SPECC1: variants seen among roughly 807,000 people sequenced by gnomAD.
The protein encoded by SPECC1 is sperm antigen with calponin homology and coiled-coil domains 1, also known as cytospin-B.
In SPECC1, 62 loss-of-function variants were observed where a neutral mutation model predicts 104.1. That is an observed-to-expected ratio of 0.60 (90% confidence interval 0.49 to 0.74). The LOEUF (loss-of-function observed/expected upper bound fraction) is 0.74, where lower values mean the gene tolerates loss of function less well. SPECC1 is among the 30% of genes least tolerant of loss of function. The probability of loss-of-function intolerance (pLI) is 0.00; values close to 1 mark genes in which losing one functional copy is unlikely to be tolerated. For missense variants in SPECC1, 1,306 were observed against 1,310.5 expected, an observed-to-expected ratio of 1.00 and a Z score of 0.05; for synonymous variants, 513 against 501.6, an observed-to-expected ratio of 1.02 and a Z score of -0.30.
chr17:20,030,003 G>C (rs2044745593), intron 1 of SPECC1, among the ~76,000 whole-genome samples: 1 of 152,106 alleles, frequency 6.6e-6, no homozygotes, highest in African/African-American at 2.4e-5. Context: ...CTGGAAGCTG[G>C]AAGAGACAAG....
chr17:20,108,770 C>G (rs1191883484), intron 2 of SPECC1, among the ~76,000 whole-genome samples: 1 of 152,150 alleles, frequency 6.6e-6, no homozygotes, highest in African/African-American at 2.4e-5. Flanking sequence ...TATGAACATT[C>G]TTTTGAGGGA....
In SPECC1 at chr17:20,246,026, A is replaced by C; in HGVS notation, c.2452A>C (p.Thr818Pro). 3.7e-6 allele frequency: 6 copies of C among 1,614,206 alleles called. No individual in the cohort carries two copies. Among genetic ancestry groups the C allele is most frequent in the Non-Finnish European group, 5.1e-6 (6 of 1,180,026 alleles). ...ATCTCCAACACCCCCAGAGTCGGCA[A>C]CCACCGTTAAGTCACTTATCAAGTC... ...RTSPTPPESA[T>P]TVKSLIKSFD... The change falls in exon 8 of 15, where the codon ACC becomes CCC. Residue 818 changes from threonine to proline, a missense_variant. By Grantham distance (38) the Thr-to-Pro change is conservative. Around this residue, in one of 2 missense-constraint regions of SPECC1, gnomAD observed 1,177 missense variants for 1,139.9 expected, o/e 1.03. Transcript: ENST00000395527.
intron 1 of SPECC1, among the ~76,000 whole-genome samples, chr17:20,030,085 C>A (rs9901862): frequency 2.0e-5 from 3 of 152,166 alleles, no homozygotes; most frequent in Middle Eastern, 3.4e-3. Flanking sequence ...TGTTTAGCCT[C>A]CAGAACTGGG....
chr17:20,217,360 A>G (rs1181157361), intron 4 of SPECC1, among the ~76,000 whole-genome samples: 1 of 151,742 alleles, frequency 6.6e-6, no homozygotes, highest in Non-Finnish European at 1.5e-5. Flanking sequence ...AGAAGGATGT[A>G]GTGATGTGTG....
intron 1 of SPECC1, among the ~76,000 whole-genome samples, chr17:20,064,592 C>T (rs1250225341): frequency 6.6e-6 from 1 of 152,136 alleles, no homozygotes; most frequent in African/African-American, 2.4e-5. Flanking sequence ...AGACGTCTTC[C>T]ATCCCTACGG....
chr17:20,053,679 A>G (rs183815651), intron 1 of SPECC1, among the ~76,000 whole-genome samples: 4 of 152,292 alleles, frequency 2.6e-5, no homozygotes, highest in Admixed American at 6.5e-5. Context: ...CCTGCCAACA[A>G]CCAGCACTGC....
intron 4 of SPECC1, among the ~76,000 whole-genome samples, chr17:20,218,320 A>C (rs1205201168): frequency 3.3e-5 from 5 of 151,966 alleles, no homozygotes; most frequent in African/African-American, 1.2e-4. Flanking sequence ...TATGAAACAG[A>C]GGCAGAGGGA....
intron 7 of SPECC1, among the ~76,000 whole-genome samples, chr17:20,232,899 C>T (rs2038686811): frequency 6.6e-6 from 1 of 152,164 alleles, no homozygotes; most frequent in Non-Finnish European, 1.5e-5. Flanking sequence ...CTTGACATAA[C>T]CTATTTTATT....
At chr17:20,049,091 G>A (rs936489809) in intron 1 of SPECC1, among the ~76,000 whole-genome samples, 39 of 152,068 alleles carry the variant, frequency 2.6e-4, no homozygotes, top group Non-Finnish European at 4.6e-4. Context: ...GAGTGGAATT[G>A]CTTTGTCAAA....
chr17:20,190,245 T>C (rs1478229728), intron 3 of SPECC1, among the ~76,000 whole-genome samples: 1 of 152,210 alleles, frequency 6.6e-6, no homozygotes, highest in African/African-American at 2.4e-5. Context: ...CAGTGCTGCC[T>C]ATAAAGCTGA....
intron 12 of SPECC1, among the ~76,000 whole-genome samples, chr17:20,287,301 C>T (rs1404596296): frequency 1.3e-5 from 2 of 151,926 alleles, no homozygotes; most frequent in Middle Eastern, 3.4e-3. Flanking sequence ...CCTGTAGTCC[C>T]AGCTACTCGG....
chr17:20,291,874 T>C (rs901844152), intron 12 of SPECC1, among the ~76,000 whole-genome samples: 3 of 151,348 alleles, frequency 2.0e-5, no homozygotes, highest in Admixed American at 1.3e-4. Flanking sequence ...ACTTTGGTCT[T>C]GCTCATTGAG....
intron 3 of SPECC1, among the ~76,000 whole-genome samples, chr17:20,197,425 C>T (rs763900034): frequency 1.3e-5 from 2 of 152,124 alleles, no homozygotes; most frequent in Non-Finnish European, 2.9e-5. Flanking sequence ...AAACCAGAAA[C>T]GACTTCCTAG....
intron 1 of SPECC1, among the ~76,000 whole-genome samples, chr17:20,051,051 T>G (rs74737710): frequency 0.043 from 5,907 of 138,590 alleles, 233 homozygotes; most frequent in African/African-American, 0.097. Context: ...CACTTGGTTC[T>G]TTCTTTCTTT....
intron 1 of SPECC1, among the ~76,000 whole-genome samples, chr17:20,094,614 T>C (rs2047557515): frequency 6.6e-6 from 1 of 152,098 alleles, no homozygotes; most frequent in African/African-American, 2.4e-5. Context: ...TTTTGGAAAA[T>C]GTAGACAGAT....
chr17:20,011,342 A>C (rs1259280991), intron 1 of SPECC1, among the ~76,000 whole-genome samples: 1 of 152,198 alleles, frequency 6.6e-6, no homozygotes, highest in African/African-American at 2.4e-5. Context: ...CTGTTTCTTC[A>C]AAGTAAATTT....
At chr17:20,110,830 T>C (rs937505311) in intron 3 of SPECC1, among the ~76,000 whole-genome samples, 3 of 152,102 alleles carry the variant, frequency 2.0e-5, no homozygotes, top group African/African-American at 7.2e-5. Flanking sequence ...CATGCACGTG[T>C]GAAATCCTTC....
chr17:20,131,899 G>A (rs367856560), intron 3 of SPECC1, among the ~76,000 whole-genome samples: 5 of 151,948 alleles, frequency 3.3e-5, no homozygotes, highest in African/African-American at 4.8e-5. Flanking sequence ...ATCCCCGCCC[G>A]CCTTGGCCTC....
intron 2 of SPECC1, among the ~76,000 whole-genome samples, chr17:20,099,511 CAAAA>C (rs56285234): frequency 0.076 from 7,004 of 91,568 alleles, 269 homozygotes; most frequent in African/African-American, 0.092. Context: ...TGTCTTTACC[CAAAA>C]AAAAAAAAAA....
Sources: allele counts gnomAD v4.1 joint callset (sites outside exome capture counted in the v4.1 genomes callset), GRCh38; gene constraint gnomAD v4.1.1; regional missense constraint gnomAD v4.1.1; transcripts MANE v1.5; gene names NCBI Gene and HGNC (gene_info 2026-07-23, HGNC 2026-07-21).